Variants in TNRC6B observed in about 807,000 individuals in gnomAD.
TNRC6B encodes the protein trinucleotide repeat containing adaptor 6B, also known as trinucleotide repeat-containing gene 6B protein.
Under a neutral mutation model 203.6 loss-of-function variants are expected in TNRC6B, and 52 were observed. That is an observed-to-expected ratio of 0.26 (90% CI 0.20 to 0.32). The LOEUF (loss-of-function observed/expected upper bound fraction) is 0.32. Among genes scored for constraint, TNRC6B ranks in the 10% least tolerant of loss-of-function variants. The pLI is 1.00. For missense variants in TNRC6B, 1,923 were observed against 2,286.2 expected, an observed-to-expected ratio of 0.84 and a Z score of 3.24; for synonymous variants, 838 against 845.7, an observed-to-expected ratio of 0.99 and a Z score of 0.16.
chr22:40,242,179 AGTGT>A (rs58498001), intron 1 of TNRC6B, among the ~76,000 whole-genome samples: 1,589 of 149,550 alleles, frequency 0.011, 18 homozygotes, highest in African/African-American at 0.035. Context: ...AGGGAATAAG[AGTGT>A]GTGTGTGTGT....
intron 1 of TNRC6B, among the ~76,000 whole-genome samples, chr22:40,045,822 G>A (rs921104545): frequency 2.0e-5 from 3 of 152,184 alleles, no homozygotes; most frequent in Non-Finnish European, 2.9e-5. Flanking sequence ...CTCTAGTCAA[G>A]CGCCTTAAGG....
chr22:40,334,969 A>G lies in TNRC6B; in HGVS notation c.*11728A>G, dbSNP rs1003321920. On this transcript the variant is annotated 3_prime_UTR_variant, in exon 23 of 23. Transcript: ENST00000454349. ...CACTGTCAGCAGAAACAAAACCTGT[A>G]AAAATGACTAATCAGCTGCACATAT... 1 of 152,578 alleles carries G rather than the reference A, an allele frequency of 6.6e-6. No individual in the cohort carries two copies. Among genetic ancestry groups the G allele is most frequent in the Non-Finnish European group, 1.5e-5 (1 of 68,016 alleles). 9.5% of individuals were successfully genotyped at this position (152,578 alleles called of 1,614,324 possible).
intron 3 of TNRC6B, among the ~76,000 whole-genome samples, chr22:40,146,348 G>A (rs944158734): frequency 4.6e-5 from 7 of 152,212 alleles, no homozygotes; most frequent in African/African-American, 9.6e-5. Context: ...CCCTAGAGCT[G>A]ATGACTGAAT....
chr22:40,051,574 CTTTG>C (rs1299809899), intron 1 of TNRC6B, among the ~76,000 whole-genome samples: 47 of 152,336 alleles, frequency 3.1e-4, no homozygotes, highest in Admixed American at 2.8e-3. Flanking sequence ...TGAAACAGTG[CTTTG>C]TTTATGTTTC....
At chr22:40,199,855 G>T (rs569241916) in intron 1 of TNRC6B, among the ~76,000 whole-genome samples, 1 of 152,176 alleles carries the variant, frequency 6.6e-6, no homozygotes, top group South Asian at 2.1e-4. Flanking sequence ...GTGCTGCAGT[G>T]GCACGATCTC....
At chr22:40,205,560 A>G (rs1010484529) in intron 1 of TNRC6B, among the ~76,000 whole-genome samples, 1 of 152,254 alleles carries the variant, frequency 6.6e-6, no homozygotes, top group Non-Finnish European at 1.5e-5. Context: ...GAATCTTGAA[A>G]ATGAGTCATT....
chr22:40,077,098 GGGAGA>G (rs1427215034), intron 1 of TNRC6B, among the ~76,000 whole-genome samples: 2 of 151,582 alleles, frequency 1.3e-5, no homozygotes, highest in Non-Finnish European at 2.9e-5. Flanking sequence ...GAAAGAGGGA[GGGAGA>G]GGAGAGGGGA....
At chr22:40,300,622 T>C in intron 13 of TNRC6B, 36 bp downstream of exon 13, 1 of 1,581,162 alleles carries the variant, frequency 6.3e-7, no homozygotes, top group Non-Finnish European at 8.5e-7. Context: ...GCTAAAAAGG[T>C]CATTTGCTTT....
At chr22:40,183,780 C>T (rs529854373) in intron 1 of TNRC6B, among the ~76,000 whole-genome samples, 2 of 152,050 alleles carry the variant, frequency 1.3e-5, no homozygotes, top group Admixed American at 6.5e-5. Flanking sequence ...CTGCAACCTC[C>T]GCCTCCTGGG....
Position 40,324,851 on chromosome 22 carries a change from G to A in TNRC6B, c.*1610G>A, listed in dbSNP as rs1453837931. The A allele has an allele frequency of 6.6e-6, 1 of 151,338 alleles. No individual in the cohort carries two copies. Among genetic ancestry groups the A allele is most frequent in the East Asian group, 1.9e-4 (1 of 5,154 alleles). The allele number at this position is 151,338 out of a possible 1,614,324, so 9.4% of individuals were successfully genotyped here. On this transcript the variant is annotated 3_prime_UTR_variant, in exon 23 of 23. Coordinates refer to ENST00000454349, the MANE Select transcript of TNRC6B (RefSeq NM_001162501.2). ...TTGTAATTTTGCTTTTTTAATTTCG[G>A]TATTTAAATACTTTTTTTTTTTTTT...
chr22:40,046,881 A>G lies in TNRC6B; in HGVS notation c.-121+1883A>G, dbSNP rs368248889. Among the ~76,000 whole-genome samples, 31 of 152,134 alleles carry G rather than the reference A, an allele frequency of 2.0e-4. No homozygotes were observed. The East Asian group carries it at 4.8e-3, about 24-fold the overall frequency. On this transcript the variant is annotated intron_variant, in intron 1 of 23. Transcript: ENST00000301923. ...AGGATGGTCTCGATCTCCTGACTTC[A>G]TGATCCGCCCGCCTCGGCCTCCCAA...
chr22:40,129,119 A>C (rs543553636), intron 3 of TNRC6B, among the ~76,000 whole-genome samples: 41 of 152,154 alleles, frequency 2.7e-4, no homozygotes, highest in Non-Finnish European at 5.3e-4. Context: ...AGTGTTCTAG[A>C]CACAGGAAAC....
intron 1 of TNRC6B, among the ~76,000 whole-genome samples, chr22:40,074,806 A>C (rs551369231): frequency 1.1e-4 from 16 of 149,810 alleles, no homozygotes; most frequent in Admixed American, 9.9e-4. Context: ...AAAATAAAGA[A>C]AATTAGCTGG....
intron 4 of TNRC6B, 70 bp downstream of exon 4, chr22:40,262,243 T>C (rs1042936183): frequency 7.7e-7 from 1 of 1,299,608 alleles, no homozygotes; most frequent in Non-Finnish European, 1.0e-6. Flanking sequence ...CATTGCTTGA[T>C]GTAAAGTCCA....
chr22:40,299,164 A>G (rs74609659), intron 12 of TNRC6B, among the ~76,000 whole-genome samples: 2 of 151,208 alleles, frequency 1.3e-5, no homozygotes, highest in East Asian at 3.9e-4. Context: ...AAAACAAAAA[A>G]AAAAAAAAAA....
chr22:40,264,822 G>A lies in TNRC6B; in HGVS notation c.592G>A (p.Glu198Lys). 6.2e-7 allele frequency: 1 copy of A among 1,613,942 alleles called. No homozygotes were observed. The highest frequency in any genetic ancestry group is 1.3e-5 in the African/African-American group (1 of 75,008). ...GGTGATTGTAGACGGGTCTGACATG[G>A]AAGAGTGGCCTTGTATTGCCAGCAA... ...DKVIVDGSDM[E>K]EWPCIASKDT... is the part of the protein sequence containing the mutation. Residue 198 changes from glutamate to lysine, a missense_variant, in exon 5 of 23, where the codon GAA becomes AAA. By Grantham distance (56) the Glu-to-Lys change is moderately conservative. Transcript: ENST00000454349.
intron 1 of TNRC6B, among the ~76,000 whole-genome samples, chr22:40,180,161 T>G (rs149656399): frequency 1.2e-3 from 188 of 152,336 alleles, no homozygotes; most frequent in Non-Finnish European, 1.9e-3. Context: ...AATGTTGCAT[T>G]GTGGTAGACC....
intron 2 of TNRC6B, among the ~76,000 whole-genome samples, chr22:40,121,697 C>T (rs2068447526): frequency 6.6e-6 from 1 of 152,236 alleles, no homozygotes; most frequent in South Asian, 2.1e-4. Flanking sequence ...AGCATCACCA[C>T]CACCGCCACA....
chr22:40,206,705 G>A (rs920136863), intron 1 of TNRC6B, among the ~76,000 whole-genome samples: 2 of 151,826 alleles, frequency 1.3e-5, no homozygotes, highest in African/African-American at 2.4e-5. Flanking sequence ...AGATGCAGGG[G>A]CTGAGGTGGG....
Sources: gnomAD v4.1 joint callset for allele counts (sites outside exome capture counted in the v4.1 genomes callset) on GRCh38, gnomAD v4.1.1 for gene constraint, MANE v1.5 for transcripts, NCBI Gene and HGNC (gene_info 2026-07-23, HGNC 2026-07-21) for gene names.